The following STX11 variants were observed in gnomAD, a reference collection of about 807,000 sequenced individuals.
STX11 encodes the protein syntaxin 11, also known as syntaxin-11.
In STX11, 21 loss-of-function variants were observed where a neutral mutation model predicts 19.9. The ratio of observed to expected loss-of-function variants is 1.06; its 90% CI spans 0.75 to 1.52. The LOEUF (loss-of-function observed/expected upper bound fraction) is 1.52. Ranked by LOEUF, STX11 falls within the 40% of genes most tolerant of loss-of-function variation. The pLI is 0.00. For synonymous variants in STX11, 193 were observed against 174.4 expected (o/e 1.11, Z -0.84); for missense variants, 438 against 405.9 (o/e 1.08, Z -0.68).
rs1801667280 is a variant in STX11, at chr6:144,172,528, G to A, written c.-5-14095G>A. On this transcript the variant is annotated intron_variant, in intron 1 of 1. Coordinates refer to ENST00000367568, the MANE Select transcript of STX11 (RefSeq NM_003764.4). The surrounding 1 kb of genome is among the most constrained non-coding windows in gnomAD (Gnocchi z 4.2). ...AAGGGTAGAGAAACTGATTCAAAGG[G>A]TAGAGAGACCGACACCACTTCTTGA... 6.6e-6 allele frequency among the ~76,000 whole-genome samples: 1 copy of A among 152,166 alleles called. No homozygotes were observed. Among genetic ancestry groups the A allele is most frequent in the African/African-American group, 2.4e-5 (1 of 41,418 alleles).
Position 144,170,541 on chromosome 6 carries a change from A to AT in STX11, c.-5-16078dup, listed in dbSNP as rs1189157712. Reference sequence around the variant, plus strand: ...GTGGCCAATGCTCAAAAAGTTTTAGATTTTGGAGCATTTCAGATTTCAGAT... The same window carrying AT: ...GTGGCCAATGCTCAAAAAGTTTTAGATTTTTGGAGCATTTCAGATTTCAGAT... On this transcript the variant is annotated intron_variant, in intron 1 of 1. Coordinates refer to ENST00000367568, the MANE Select transcript of STX11 (RefSeq NM_003764.4). This position sits in a 1 kb window ranked among gnomAD's most constrained non-coding sequence, Gnocchi z 4.7. Among the ~76,000 whole-genome samples the AT allele has an allele frequency of 1.3e-5, 2 of 152,138 alleles. No homozygotes were observed. Among genetic ancestry groups the AT allele is most frequent in the Non-Finnish European group, 2.9e-5 (2 of 68,038 alleles).
rs1348150087 is a variant in STX11 at position 144,159,038 on chromosome 6, T to C, written c.-6+8335T>C. ...AGTATTCCCATAGATCCCTCTATTA[T>C]GGCATTTATTATCATTATTCTCTCT... is the stretch of plus-strand genomic sequence containing the variant. On this transcript the variant is annotated intron_variant, in intron 1 of 1. Coordinates refer to ENST00000367568, the MANE Select transcript of STX11 (RefSeq NM_003764.4). The surrounding 1 kb of genome is among the most constrained non-coding windows in gnomAD (Gnocchi z 4.3). Among the ~76,000 whole-genome samples the C allele has an allele frequency of 6.6e-6, 1 of 152,228 alleles. No individual in the cohort carries two copies. Among genetic ancestry groups the C allele is most frequent in the Non-Finnish European group, 1.5e-5 (1 of 68,044 alleles).
rs140238511 is a variant in STX11, at chr6:144,155,941, T to TCTATC, written c.-6+5240_-6+5241insATCCT. Among the ~76,000 whole-genome samples the TCTATC allele has an allele frequency of 0.2, 991 of 4,960 alleles. 55 individuals are homozygous for TCTATC. Among genetic ancestry groups the TCTATC allele is most frequent in the African/African-American group, 0.31 (853 of 2,708 alleles). The allele number at this position is 4,960 out of a possible 152,430, so 3.3% of individuals were successfully genotyped here. A position where few individuals can be genotyped will look rare whatever the true frequency, so the allele number is the denominator to read the frequency against. ...TAATTAAATGTGTTTTAAAATTTAA[T>TCTATC]CTTTCTTTCTTTCTTTCTTTCTTTC... On this transcript the variant is annotated intron_variant, in intron 1 of 1. Transcript: ENST00000367568. The surrounding 1 kb of genome is among the most constrained non-coding windows in gnomAD (Gnocchi z 4.5).
the STX11 span, among the ~76,000 whole-genome samples, chr6:144,142,105 G>A: frequency 6.6e-6 from 1 of 151,472 alleles, no homozygotes; most frequent in African/African-American, 2.4e-5. Flanking sequence ...TGGACAGGAG[G>A]CTATAGGGTT....
rs1483481696 is a variant in STX11 at position 144,167,046 on chromosome 6, G to A, written c.-6+16343G>A. ...CAGAGAGCTCCTGTAGTTTTCCAGG[G>A]AAACAAACTAAATTTCACAGTAACA... On this transcript the variant is annotated intron_variant, in intron 1 of 1. Coordinates refer to ENST00000367568, the MANE Select transcript of STX11 (RefSeq NM_003764.4). The surrounding 1 kb of genome is among the most constrained non-coding windows in gnomAD (Gnocchi z 5.0). Among the ~76,000 whole-genome samples the A allele has an allele frequency of 6.6e-6, 1 of 152,186 alleles. No individual in the cohort carries two copies. The highest frequency in any genetic ancestry group is 1.5e-5 in the Non-Finnish European group (1 of 68,044).
Position 144,170,947 on chromosome 6 carries a change from A to T in STX11, c.-5-15676A>T, listed in dbSNP as rs1446219532. ...CTCATTTAATCCCCTCTACTATCCT[A>T]TGAGGTAATTATTTATACATGGAGA... is the stretch of plus-strand genomic sequence containing the variant. On this transcript the variant is annotated intron_variant, in intron 1 of 1. Coordinates refer to ENST00000367568, the MANE Select transcript of STX11 (RefSeq NM_003764.4). This position sits in a 1 kb window ranked among gnomAD's most constrained non-coding sequence, Gnocchi z 4.7. Among the ~76,000 whole-genome samples the T allele has an allele frequency of 8.5e-5, 13 of 152,174 alleles. No individual in the cohort carries two copies.
rs547468354 is a variant in STX11, at chr6:144,189,092, T to C, written c.*1601T>C. On this transcript the variant is annotated 3_prime_UTR_variant, in exon 2 of 2. Transcript: ENST00000367568. ...AGGCTGAAGTGCAGTGGCATAATCA[T>C]GGCTTACTGCAGCCTTAAACTCCCA... is the stretch of plus-strand genomic sequence containing the variant. 3.9e-5 allele frequency among the ~76,000 whole-genome samples: 6 copies of C among 152,208 alleles called. No individual in the cohort carries two copies. In the East Asian group the frequency reaches 9.7e-4, roughly 25 times the overall value.
rs1043780486 is a variant in STX11, at chr6:144,160,194, G to A, written c.-6+9491G>A. ...ATTTTTGTATTTTTTTAGTAGAGAC[G>A]GGGTTTCACTATATTTGGCCAGGCT... is the stretch of plus-strand genomic sequence containing the variant. On this transcript the variant is annotated intron_variant, in intron 1 of 1. Transcript: ENST00000367568. The surrounding 1 kb of genome is among the most constrained non-coding windows in gnomAD (Gnocchi z 4.3). Among the ~76,000 whole-genome samples the A allele has an allele frequency of 6.6e-6, 1 of 151,990 alleles. No individual in the cohort carries two copies. The highest frequency in any genetic ancestry group is 6.6e-5 in the Admixed American group (1 of 15,236).
At chr6:144,164,811 A>C (rs1476866159) in intron 1 of STX11, among the ~76,000 whole-genome samples, 1 of 152,164 alleles carries the variant, frequency 6.6e-6, no homozygotes, top group Non-Finnish European at 1.5e-5. Flanking sequence ...CTCCTGCTTC[A>C]GCATCCCAAG....
At chr6:144,150,437 C>T (rs987226627), upstream of STX11, 23 of 952,952 alleles carry the variant, frequency 2.4e-5, no homozygotes, top group South Asian at 2.4e-4. Flanking sequence ...CGCCGCGCCC[C>T]AGCGCTGTCA....
At chr6:144,178,091 A>G (rs563323235) in intron 1 of STX11, among the ~76,000 whole-genome samples, 8 of 152,348 alleles carry the variant, frequency 5.3e-5, no homozygotes, top group African/African-American at 7.2e-5. Flanking sequence ...TACGTTTCCT[A>G]TTAGACTAAC....
Position 144,188,758 on chromosome 6 carries a change from A to G in STX11, c.*1267A>G, listed in dbSNP as rs1174766352. ...TTTTTTTTTTTTGAGATGGAGTCTC[A>G]CTGTGTTGCCCAGGCTGGAGTGCAG... On this transcript the variant is annotated 3_prime_UTR_variant, in exon 2 of 2. Transcript: ENST00000367568. 8.4e-6 allele frequency among the ~76,000 whole-genome samples: 1 copy of G among 118,576 alleles called. No individual in the cohort carries two copies. Among genetic ancestry groups the G allele is most frequent in the Non-Finnish European group, 1.6e-5 (1 of 62,088 alleles). 77.8% of individuals were successfully genotyped at this position (118,576 alleles called of 152,430 possible).
rs1220592185 is a variant in STX11 at position 144,189,620 on chromosome 6, G to A, written c.*2129G>A. Among the ~76,000 whole-genome samples the A allele has an allele frequency of 6.6e-6, 1 of 152,144 alleles. No homozygotes were observed. The highest frequency in any genetic ancestry group is 6.5e-5 in the Admixed American group (1 of 15,280). ...GTGATCATATTTCTCAGGTCCTTTA[G>A]AAGCTGGAATTTTAAAAGAATTAGA... On this transcript the variant is annotated 3_prime_UTR_variant, in exon 2 of 2. Coordinates refer to ENST00000367568, the MANE Select transcript of STX11 (RefSeq NM_003764.4).
At chr6:144,157,523 C>T (rs1307422206) in intron 1 of STX11, among the ~76,000 whole-genome samples, 1 of 152,106 alleles carries the variant, frequency 6.6e-6, no homozygotes, top group Non-Finnish European at 1.5e-5. Context: ...GTCTGATGGC[C>T]CAGACCATCA....
Position 144,184,142 on chromosome 6 carries a change from AG to A in STX11, c.-5-2478del, listed in dbSNP as rs936888041. Among the ~76,000 whole-genome samples the A allele has an allele frequency of 6.6e-6, 1 of 152,226 alleles. No individual in the cohort carries two copies. Among genetic ancestry groups the A allele is most frequent in the Non-Finnish European group, 1.5e-5 (1 of 68,046 alleles). ...GTTCCGTGTCTTTGCTATTGTGAAT[AG>A]GGCTGCAGTGAACATTGACATGCAT... On this transcript the variant is annotated intron_variant, in intron 1 of 1. Transcript: ENST00000367568. This position sits in a 1 kb window ranked among gnomAD's most constrained non-coding sequence, Gnocchi z 6.5.
Position 144,159,331 on chromosome 6 carries a change from G to C in STX11, c.-6+8628G>C, listed in dbSNP as rs192673288. ...AACAACTACCAATAAAATATGGTGA[G>C]TACCAGAAAAAGCGAAGTGAAATTA... On this transcript the variant is annotated intron_variant, in intron 1 of 1. Coordinates refer to ENST00000367568, the MANE Select transcript of STX11 (RefSeq NM_003764.4). This position sits in a 1 kb window ranked among gnomAD's most constrained non-coding sequence, Gnocchi z 4.3. Among the ~76,000 whole-genome samples the C allele has an allele frequency of 1.5e-3, 222 of 152,300 alleles. 1 individual carries two copies. Among genetic ancestry groups the C allele is most frequent in the Middle Eastern group, 3.4e-3 (1 of 294 alleles).
rs930090293 is a variant in STX11, at chr6:144,172,581, C to T, written c.-5-14042C>T. Among the ~76,000 whole-genome samples, 2 of 152,150 alleles carry T rather than the reference C, an allele frequency of 1.3e-5. No homozygotes were observed. The highest frequency in any genetic ancestry group is 2.9e-5 in the Non-Finnish European group (2 of 68,022). ...GGACGTGCTGCTAAGAATTTGTTGC[C>T]ATTTGTTGTAATCAAGTATAGTCTG... On this transcript the variant is annotated intron_variant, in intron 1 of 1. Transcript: ENST00000367568. The surrounding 1 kb of genome is among the most constrained non-coding windows in gnomAD (Gnocchi z 4.2).
At position 144,179,041 on chromosome 6, in the gene STX11, C is replaced by T. The variant is rs551639707; in HGVS notation, c.-5-7582C>T. Reference sequence around the variant, plus strand: ...GAGGTTTAATGGACTTACAGTTCCACGTGGCTGGGGAGAACTTACAATCAT... The same window carrying T: ...GAGGTTTAATGGACTTACAGTTCCATGTGGCTGGGGAGAACTTACAATCAT... On this transcript the variant is annotated intron_variant, in intron 1 of 1. Coordinates refer to ENST00000367568, the MANE Select transcript of STX11 (RefSeq NM_003764.4). 1.5e-3 allele frequency among the ~76,000 whole-genome samples: 226 copies of T among 152,204 alleles called. 1 individual carries two copies. The highest frequency in any genetic ancestry group is 5.2e-3 in the African/African-American group (217 of 41,502).
Position 144,186,777 on chromosome 6 carries a change from C to T in STX11, c.150C>T (p.Asp50=). Residue 50 remains aspartate (D), a synonymous_variant, in exon 2 of 2, where the codon GAC becomes GAT. Transcript: ENST00000367568. Reference sequence around the variant, plus strand: ...AGTCCCTGTACCGAGACATCCGGGACATTCAGGATGAAAACCAGCTGCTGG... The same window carrying T: ...AGTCCCTGTACCGAGACATCCGGGATATTCAGGATGAAAACCAGCTGCTGG... The part of the protein sequence containing the change: ...ILESLYRDIR[D]IQDENQLLVA... The T allele has an allele frequency of 6.2e-7, 1 of 1,614,012 alleles. No homozygotes were observed. The highest frequency in any genetic ancestry group is 1.7e-5 in the Admixed American group (1 of 60,020).
Sources: allele counts gnomAD v4.1 joint callset (sites outside exome capture counted in the v4.1 genomes callset), GRCh38; gene constraint gnomAD v4.1.1; non-coding constraint Gnocchi (gnomAD v3.1); transcripts MANE v1.5; gene names NCBI Gene and HGNC (gene_info 2026-07-23, HGNC 2026-07-21).